The following ATXN7L2 variants were observed in gnomAD, a reference collection of about 807,000 sequenced individuals.
The protein encoded by ATXN7L2 is ataxin 7 like 2, also known as ataxin-7-like protein 2.
Under a neutral mutation model 59.6 loss-of-function variants are expected in ATXN7L2, and 17 were observed. The ratio of observed to expected loss-of-function variants is 0.29; its 90% CI spans 0.20 to 0.43. ATXN7L2 has a LOEUF of 0.43. ATXN7L2 is among the 20% of genes least tolerant of loss of function. The probability of loss-of-function intolerance (pLI) is 1.00; values close to 1 mark genes in which losing one functional copy is unlikely to be tolerated. For synonymous variants in ATXN7L2, 378 were observed against 392.5 expected, an observed-to-expected ratio of 0.96 and a Z score of 0.44; for missense variants, 858 against 1,008.9, an observed-to-expected ratio of 0.85 and a Z score of 2.03.
chr1:109,485,895 CG>C (rs1656552355), intron 1 of ATXN7L2, 161 bp from the exon 2 acceptor site: 1 of 1,268,964 alleles, frequency 7.9e-7, no homozygotes, highest in African/African-American at 1.5e-5. Context: ...GAGCTTGTCA[CG>C]GAGTGTGGGC....
rs1245636122 is a variant in ATXN7L2 at position 109,488,147 on chromosome 1, T to C, written c.797-236T>C. ...TTTTGTTTCTTGATGTGTGTTGCCC[T>C]GCTTTGGGCTTGAAGTCCCAAAAGG... On this transcript the variant is annotated intron_variant, in intron 5 of 10. Coordinates refer to ENST00000683729, the MANE Select transcript of ATXN7L2 (RefSeq NM_001350175.2). This position sits in a 1 kb window ranked among gnomAD's most constrained non-coding sequence, Gnocchi z 5.0. Among the ~76,000 whole-genome samples, 3 of 152,256 alleles carry C rather than the reference T, an allele frequency of 2.0e-5. No homozygotes were observed. The highest frequency in any genetic ancestry group is 4.4e-5 in the Non-Finnish European group (3 of 68,036).
intron 10 of ATXN7L2, chr1:109,492,044 G>C: frequency 8.9e-7 from 1 of 1,124,136 alleles, no homozygotes; most frequent in Non-Finnish European, 1.1e-6. Context: ...AGCTACCTCT[G>C]TTCCCTGAAG....
rs1043290286 is a variant in ATXN7L2 at position 109,486,394 on chromosome 1, A to G, written c.194-112A>G. ...GGAAGCATTCAGCATGGAGCTTGTTATATCAGCGGGGAGGTGAAGTGCCTT... is the reference window on the plus strand; with the variant it reads ...GGAAGCATTCAGCATGGAGCTTGTTGTATCAGCGGGGAGGTGAAGTGCCTT... On this transcript the variant is annotated intron_variant, in intron 2 of 10. Coordinates refer to ENST00000683729, the MANE Select transcript of ATXN7L2 (RefSeq NM_001350175.2). This position sits in a 1 kb window ranked among gnomAD's most constrained non-coding sequence, Gnocchi z 4.3. The G allele has an allele frequency of 4.0e-6, 4 of 995,932 alleles. No individual in the cohort carries two copies. The Admixed American group carries it at 7.2e-5, about 18-fold the overall frequency. The allele number at this position is 995,932 out of a possible 1,614,324, so 61.7% of individuals were successfully genotyped here.
rs781245120 is a variant in ATXN7L2 at position 109,489,996 on chromosome 1, C to G, written c.1200C>G (p.Gly400=). 6.2e-7 allele frequency: 1 copy of G among 1,613,644 alleles called. No individual in the cohort carries two copies. The highest frequency in any genetic ancestry group is 1.1e-5 in the South Asian group (1 of 91,058). The part of the protein sequence containing the change: ...EGPCGGDGDP[G]LFPFPMPRGG... ...CCTGTGGTGGTGATGGGGACCCAGG[C>G]CTGTTCCCCTTCCCCATGCCCCGGG... is the stretch of plus-strand genomic sequence containing the variant. The change falls in exon 8 of 11, where the codon GGC becomes GGG. Residue 400 remains glycine (G), a synonymous_variant. Coordinates refer to ENST00000683729, the MANE Select transcript of ATXN7L2 (RefSeq NM_001350175.2).
At chr1:109,485,153 C>A in intron 1 of ATXN7L2, 1 of 608,078 alleles carries the variant, frequency 1.6e-6, no homozygotes, top group Non-Finnish European at 2.1e-6. Context: ...GGGCCATTGT[C>A]AGGGTCTGGG....
intron 4 of ATXN7L2, 39 bp downstream of exon 4, chr1:109,487,256 C>A: frequency 1.4e-6 from 2 of 1,459,982 alleles, no homozygotes; most frequent in Non-Finnish European, 1.8e-6. Context: ...CTGGCCCTGA[C>A]CCTGACCCAT....
Position 109,492,689 on chromosome 1 carries a change from TTA to T in ATXN7L2, c.*93_*94del. The T allele has an allele frequency of 6.9e-7, 1 of 1,455,982 alleles. No homozygotes were observed. The highest frequency in any genetic ancestry group is 9.3e-7 in the Non-Finnish European group (1 of 1,079,598). The allele number at this position is 1,455,982 out of a possible 1,614,324, so 90.2% of individuals were successfully genotyped here. Reference sequence around the variant, plus strand: ...CAGGCTGCTGCCGCTTTTTATAACTTTATATTATTTTTTTTTAAGAAAAAAAG... The same window carrying T: ...CAGGCTGCTGCCGCTTTTTATAACTTTATTATTTTTTTTTAAGAAAAAAAG... On this transcript the variant is annotated 3_prime_UTR_variant, in exon 11 of 11. Transcript: ENST00000683729.
chr1:109,488,290 A>ACCAGTTC lies in ATXN7L2; in HGVS notation c.797-92_797-86dup. On this transcript the variant is annotated intron_variant, in intron 5 of 10. Coordinates refer to ENST00000683729, the MANE Select transcript of ATXN7L2 (RefSeq NM_001350175.2). This position sits in a 1 kb window ranked among gnomAD's most constrained non-coding sequence, Gnocchi z 5.0. The stretch of plus-strand genomic sequence containing the variant: ...GGGCTGGAGTCTCTTCTGCCTTAGT[A>ACCAGTTC]CCAGTTCTCAGGCCCTTGGCAGGAA... 8.3e-7 allele frequency: 1 copy of ACCAGTTC among 1,208,448 alleles called. No homozygotes were observed. Among genetic ancestry groups the ACCAGTTC allele is most frequent in the East Asian group, 2.6e-5 (1 of 39,196 alleles). 74.9% of individuals were successfully genotyped at this position (1,208,448 alleles called of 1,614,324 possible).
In ATXN7L2 at chr1:109,491,062, C is replaced by A. The variant is rs746423420; in HGVS notation, c.1595C>A (p.Pro532His). ...CCTGCCTGCCCAGCCTCCATGCCCC[C>A]CACCAAGGACAACCTTGTCCCCAGC... ...LRPACPASMP[P>H]TKDNLVPSYP... Residue 532 changes from proline (P) to histidine (H), a missense_variant, in exon 10 of 11, where the codon CCC (proline) becomes CAC (histidine). Transcript: ENST00000683729. This position sits in a 1 kb window ranked among gnomAD's most constrained non-coding sequence, Gnocchi z 4.1. 2.8e-5 allele frequency: 45 copies of A among 1,613,600 alleles called. No homozygotes were observed. Among genetic ancestry groups the A allele is most frequent in the Non-Finnish European group, 3.7e-5 (44 of 1,180,006 alleles).
In ATXN7L2 at chr1:109,483,942, T is replaced by C. The variant is rs761579893; in HGVS notation, c.-12T>C. 1.0e-4 allele frequency: 123 copies of C among 1,220,964 alleles called. No individual in the cohort carries two copies. The highest frequency in any genetic ancestry group is 1.2e-4 in the Non-Finnish European group (118 of 977,560). 75.6% of individuals were successfully genotyped at this position (1,220,964 alleles called of 1,614,324 possible). ...GCGGCGGCGCCAGGGCGGGCGCGCG[T>C]CCGCGGCGGTGATGGCGGTGCGTGA... On this transcript the variant is annotated 5_prime_UTR_variant, in exon 1 of 11. Coordinates refer to ENST00000683729, the MANE Select transcript of ATXN7L2 (RefSeq NM_001350175.2).
chr1:109,490,416 G>A (rs1266376649), intron 9 of ATXN7L2, 24 bp downstream of exon 9: 4 of 1,607,832 alleles, frequency 2.5e-6, no homozygotes, highest in Non-Finnish European at 3.4e-6. Flanking sequence ...ACCCAGAATG[G>A]AAGTTCTAGA....
At position 109,491,264 on chromosome 1, in the gene ATXN7L2, C is replaced by T; in HGVS notation, c.1797C>T (p.Ala599=). Residue 599 remains alanine (A), a synonymous_variant, in exon 10 of 11, where the codon GCC becomes GCT. Coordinates refer to ENST00000683729, the MANE Select transcript of ATXN7L2 (RefSeq NM_001350175.2). The surrounding 1 kb of genome is among the most constrained non-coding windows in gnomAD (Gnocchi z 4.1). ...SKGKDGVEVE[A]PSRKRKLSPG... The stretch of plus-strand genomic sequence containing the variant: ...GCAAGGACGGGGTGGAGGTGGAGGC[C>T]CCTTCTCGAAAGCGGAAGTTATCCC... 1 of 1,614,242 alleles carries T rather than the reference C, an allele frequency of 6.2e-7. No homozygotes were observed. The highest frequency in any genetic ancestry group is 8.5e-7 in the Non-Finnish European group (1 of 1,180,050).
rs761677096 is a variant in ATXN7L2 at position 109,491,081 on chromosome 1, C to A, written c.1614C>A (p.Val538=). Residue 538 remains valine, a synonymous_variant, in exon 10 of 11, where the codon GTC becomes GTA. Transcript: ENST00000683729. This position sits in a 1 kb window ranked among gnomAD's most constrained non-coding sequence, Gnocchi z 4.1. The part of the protein sequence containing the change: ...ASMPPTKDNL[V]PSYPAGSPSV... ...TGCCCCCCACCAAGGACAACCTTGT[C>A]CCCAGCTACCCTGCAGGCTCCCCCA... 4 of 1,613,730 alleles carry A rather than the reference C, an allele frequency of 2.5e-6. No homozygotes were observed. The highest frequency in any genetic ancestry group is 3.4e-6 in the Non-Finnish European group (4 of 1,180,000).
rs1657071247 is a variant in ATXN7L2, at chr1:109,491,509, G to A, written c.2042G>A (p.Gly681Glu). Residue 681 changes from glycine to glutamate, a missense_variant, in exon 10 of 11, where the codon GGA becomes GAA. Physicochemically the swap from Gly to Glu is moderately conservative, Grantham distance 98. This residue lies in a region of ATXN7L2 where 734 missense variants were observed against 862.3 expected (regional missense o/e 0.85). Coordinates refer to ENST00000683729, the MANE Select transcript of ATXN7L2 (RefSeq NM_001350175.2). The surrounding 1 kb of genome is among the most constrained non-coding windows in gnomAD (Gnocchi z 4.1). The stretch of plus-strand genomic sequence containing the variant: ...AAGGCTTCTCAGCTGGAGAACCGGG[G>A]AGCAGCTGGACACCCAGCCAAGGCC... ...PVKASQLENR[G>E]AAGHPAKALP... 3.7e-6 allele frequency: 6 copies of A among 1,613,828 alleles called. 1 individual carries two copies. In the South Asian group the frequency reaches 6.6e-5, roughly 18 times the overall value.
At chr1:109,484,175 C>T (rs1485600583) in intron 1 of ATXN7L2, 95 bp downstream of exon 1, 2 of 1,194,620 alleles carry the variant, frequency 1.7e-6, no homozygotes, top group Middle Eastern at 3.1e-4. Flanking sequence ...CCGACTGGAG[C>T]CGCCGTCCGG....
intron 5 of ATXN7L2, 23 bp downstream of exon 5, chr1:109,487,827 G>C: frequency 6.4e-7 from 1 of 1,569,398 alleles, no homozygotes. Flanking sequence ...GGTCTTGGGG[G>C]TCCAGAATGT....
At position 109,488,823 on chromosome 1, in the gene ATXN7L2, G is replaced by T; in HGVS notation, c.880-24G>T. On this transcript the variant is annotated intron_variant, in intron 6 of 10. Coordinates refer to ENST00000683729, the MANE Select transcript of ATXN7L2 (RefSeq NM_001350175.2). The surrounding 1 kb of genome is among the most constrained non-coding windows in gnomAD (Gnocchi z 5.0). Reference sequence around the variant, plus strand: ...CTTCTCAGTTCATACCTACTCCCCAGCTCTCCACTCTGCTGTATTCTAGAT... The same window carrying T: ...CTTCTCAGTTCATACCTACTCCCCATCTCTCCACTCTGCTGTATTCTAGAT... 1 of 1,604,960 alleles carries T rather than the reference G, an allele frequency of 6.2e-7. No homozygotes were observed. The highest frequency in any genetic ancestry group is 8.5e-7 in the Non-Finnish European group (1 of 1,173,722).
chr1:109,488,295 T>G lies in ATXN7L2; in HGVS notation c.797-88T>G. ...GGAGTCTCTTCTGCCTTAGTACCAGTTCTCAGGCCCTTGGCAGGAAGCGGC... is the reference window on the plus strand; with the variant it reads ...GGAGTCTCTTCTGCCTTAGTACCAGGTCTCAGGCCCTTGGCAGGAAGCGGC... On this transcript the variant is annotated intron_variant, in intron 5 of 10. Coordinates refer to ENST00000683729, the MANE Select transcript of ATXN7L2 (RefSeq NM_001350175.2). The surrounding 1 kb of genome is among the most constrained non-coding windows in gnomAD (Gnocchi z 5.0). 1 of 1,281,532 alleles carries G rather than the reference T, an allele frequency of 7.8e-7. No individual in the cohort carries two copies. The highest frequency in any genetic ancestry group is 1.1e-6 in the Non-Finnish European group (1 of 901,368). The allele number at this position is 1,281,532 out of a possible 1,614,324, so 79.4% of individuals were successfully genotyped here.
intron 1 of ATXN7L2, 94 bp from the exon 2 acceptor site, chr1:109,485,961 CTG>C: frequency 1.4e-6 from 2 of 1,412,250 alleles, no homozygotes; most frequent in Admixed American, 5.6e-5. Context: ...GGGACAACCT[CTG>C]GGTTGTCTTC....
Sources: gnomAD v4.1 joint callset for allele counts (sites outside exome capture counted in the v4.1 genomes callset) on GRCh38, gnomAD v4.1.1 for gene constraint, gnomAD v4.1.1 regional missense constraint, Gnocchi (gnomAD v3.1) non-coding constraint, MANE v1.5 for transcripts, NCBI Gene and HGNC (gene_info 2026-07-23, HGNC 2026-07-21) for gene names.